Variants in SLC25A24 observed in about 807,000 individuals in gnomAD.
SLC25A24 encodes mitochondrial adenyl nucleotide antiporter SLC25A24.
In SLC25A24, 49 loss-of-function variants were observed where a neutral mutation model predicts 60.7. The observed-to-expected ratio is 0.81, with a 90% CI of 0.64 to 1.02. The LOEUF is 1.02. SLC25A24 is among the 50% of genes least tolerant of loss of function. SLC25A24 has a pLI of 0.00. For synonymous variants in SLC25A24, 202 were observed against 200.6 expected (o/e 1.01, Z -0.06); for missense variants, 564 against 586.3 (o/e 0.96, Z 0.39).
At chr1:108,144,863 C>T (rs1366188475) in intron 7 of SLC25A24, among the ~76,000 whole-genome samples, 51 of 152,146 alleles carry the variant, frequency 3.4e-4, no homozygotes, top group Admixed American at 3.3e-3. Flanking sequence ...CAAGTCTTTG[C>T]TATTGTGAAC....
chr1:108,164,187 A>G (rs1487423248), intron 3 of SLC25A24, among the ~76,000 whole-genome samples: 7 of 151,226 alleles, frequency 4.6e-5, no homozygotes, highest in South Asian at 2.1e-4. Context: ...TGCTGGATTC[A>G]GTTTGCCAGT....
intron 2 of SLC25A24, 84 bp downstream of exon 2, chr1:108,185,744 G>T: frequency 1.0e-6 from 1 of 997,204 alleles, no homozygotes; most frequent in Non-Finnish European, 1.5e-6. Flanking sequence ...AAACCAGAGA[G>T]ATTAAATAAG....
chr1:108,158,572 C>T (rs1679965711), intron 4 of SLC25A24, among the ~76,000 whole-genome samples: 2 of 152,068 alleles, frequency 1.3e-5, no homozygotes, highest in Admixed American at 1.3e-4. Context: ...TGAGAAGGCA[C>T]TAATCACCAA....
Position 108,136,178 on chromosome 1 carries a change from A to C in SLC25A24, c.*475T>G, listed in dbSNP as rs1469230761. The C allele has an allele frequency of 6.6e-6, 1 of 152,576 alleles. No individual in the cohort carries two copies. The highest frequency in any genetic ancestry group is 2.4e-5 in the African/African-American group (1 of 41,468). 9.5% of individuals were successfully genotyped at this position (152,576 alleles called of 1,614,324 possible). The stretch of plus-strand genomic sequence containing the variant: ...ATACTTATTTGGATGCTTTTGCTGT[A>C]AGGTATATTTTAAATGTAATGATTT... On this transcript the variant is annotated 3_prime_UTR_variant, in exon 10 of 10. Coordinates refer to ENST00000565488, the MANE Select transcript of SLC25A24 (RefSeq NM_013386.5).
intron 3 of SLC25A24, among the ~76,000 whole-genome samples, chr1:108,172,992 T>G (rs958884045): frequency 6.6e-6 from 1 of 152,154 alleles, no homozygotes; most frequent in African/African-American, 2.4e-5. Flanking sequence ...ATCAAAGCCA[T>G]GAGATATCAC....
chr1:108,187,552 G>A (rs1196308008), intron 1 of SLC25A24, among the ~76,000 whole-genome samples: 37 of 152,004 alleles, frequency 2.4e-4, no homozygotes, highest in Admixed American at 2.4e-3. Context: ...GATAACAAAC[G>A]CCTACAAAAA....
intron 1 of SLC25A24, 61 bp downstream of exon 1, chr1:108,199,895 G>A (rs761017948): frequency 1.5e-6 from 2 of 1,342,844 alleles, no homozygotes; most frequent in East Asian, 2.5e-5. Flanking sequence ...CTCGGTCCTC[G>A]CAGTGTCCCC....
intron 6 of SLC25A24, 87 bp from the exon 7 acceptor site, chr1:108,148,473 C>A (rs1036443442): frequency 3.9e-6 from 3 of 778,610 alleles, no homozygotes; most frequent in Non-Finnish European, 4.5e-6. Context: ...AAGCTGTAAC[C>A]TCCCATGTGA....
chr1:108,143,022 C>G (rs754601954), intron 8 of SLC25A24, among the ~76,000 whole-genome samples: 17 of 152,280 alleles, frequency 1.1e-4, no homozygotes, highest in African/African-American at 3.9e-4. Context: ...TTGTCTCCCC[C>G]ACCAGACCTT....
At chr1:108,176,122 A>T (rs1337808517) in intron 3 of SLC25A24, among the ~76,000 whole-genome samples, 2 of 152,180 alleles carry the variant, frequency 1.3e-5, no homozygotes, top group African/African-American at 4.8e-5. Context: ...GAAACAATTC[A>T]ATGAAATTAG....
intron 3 of SLC25A24, among the ~76,000 whole-genome samples, chr1:108,180,901 A>G (rs1269873466): frequency 6.6e-6 from 1 of 152,252 alleles, no homozygotes; most frequent in Non-Finnish European, 1.5e-5. Flanking sequence ...TCCTAAAGCT[A>G]TCAAAGAAAA....
chr1:108,155,017 G>C lies in SLC25A24; in HGVS notation c.788C>G (p.Pro263Arg), dbSNP rs374820142. The C allele has an allele frequency of 7.5e-6, 12 of 1,608,422 alleles. No individual in the cohort carries two copies. Among genetic ancestry groups the C allele is most frequent in the Non-Finnish European group, 3.4e-6 (4 of 1,177,524 alleles). ...GNGTNVIKIA[P>R]ETAVKFWAYE... ...TGCCCAGAATTTAACAGCTGTCTCA[G>C]GAGCAATTTTGATGACGTTTGTACC... The change falls in exon 6 of 10, where the codon CCT becomes CGT. Residue 263 changes from proline (P) to arginine (R), a missense_variant. Transcript: ENST00000565488.
intron 3 of SLC25A24, among the ~76,000 whole-genome samples, chr1:108,181,438 A>G (rs2053433): frequency 0.44 from 67,037 of 152,050 alleles, 14,972 homozygotes; most frequent in Middle Eastern, 0.58. Context: ...TCTGACTTAA[A>G]TAGTCAAACT....
At chr1:108,196,588 A>T (rs1412664795) in intron 1 of SLC25A24, among the ~76,000 whole-genome samples, 2 of 152,332 alleles carry the variant, frequency 1.3e-5, no homozygotes, top group Non-Finnish European at 2.9e-5. Flanking sequence ...TGACAAAAAT[A>T]CTATTGGCTT....
At chr1:108,180,513 A>T (rs767897078) in intron 3 of SLC25A24, among the ~76,000 whole-genome samples, 2 of 152,146 alleles carry the variant, frequency 1.3e-5, no homozygotes, top group Non-Finnish European at 2.9e-5. Context: ...CCGTGTGATT[A>T]TATCTGGAGA....
Position 108,185,906 on chromosome 1 carries a change from C to T in SLC25A24, c.232G>A (p.Glu78Lys). Reference sequence around the variant, plus strand: ...TCTTTAAGGTACTTCATAAATTCTTCAAAATCCAGCTTCCCATCTTTGTTG... The same window carrying T: ...TCTTTAAGGTACTTCATAAATTCTTTAAAATCCAGCTTCCCATCTTTGTTG... ...DVNKDGKLDFEEFMKYLKDHE... is the reference protein window; with the variant it reads ...DVNKDGKLDFKEFMKYLKDHE... The change falls in exon 2 of 10, where the codon GAA (glutamate) becomes AAA (lysine). Residue 78 changes from glutamate to lysine, a missense_variant. Physicochemically the swap from Glu to Lys is moderately conservative, Grantham distance 56. Coordinates refer to ENST00000565488, the MANE Select transcript of SLC25A24 (RefSeq NM_013386.5). 6.3e-7 allele frequency: 1 copy of T among 1,598,270 alleles called. No homozygotes were observed. The highest frequency in any genetic ancestry group is 8.6e-7 in the Non-Finnish European group (1 of 1,169,444).
At chr1:108,177,895 T>C (rs1415328913) in intron 3 of SLC25A24, among the ~76,000 whole-genome samples, 1 of 152,148 alleles carries the variant, frequency 6.6e-6, no homozygotes, top group Non-Finnish European at 1.5e-5. Context: ...CCAGGGGTGG[T>C]GGCTCACACC....
At chr1:108,180,455 G>A (rs998064713) in intron 3 of SLC25A24, among the ~76,000 whole-genome samples, 3 of 151,996 alleles carry the variant, frequency 2.0e-5, no homozygotes, top group African/African-American at 7.2e-5. Context: ...CCTTTGCTAT[G>A]GACTGAGCTG....
At chr1:108,167,397 C>T (rs1303881405) in intron 3 of SLC25A24, among the ~76,000 whole-genome samples, 1 of 151,520 alleles carries the variant, frequency 6.6e-6, no homozygotes. Context: ...AGCCTCGCTG[C>T]CGCCTTGCAG....
Sources: gnomAD v4.1 joint callset for allele counts (sites outside exome capture counted in the v4.1 genomes callset) on GRCh38, gnomAD v4.1.1 for gene constraint, MANE v1.5 for transcripts, NCBI Gene and HGNC (gene_info 2026-07-23, HGNC 2026-07-21) for gene names.